GHR: variants seen among roughly 807,000 people sequenced by gnomAD.
The protein encoded by GHR is growth hormone receptor, also known as GH receptor.
In GHR, 35 loss-of-function variants were observed where a neutral mutation model predicts 67.1. The observed-to-expected ratio is 0.52, with a 90% CI of 0.40 to 0.69. The LOEUF is 0.69. Among genes scored for constraint, GHR ranks in the 30% least tolerant of loss-of-function variants. GHR has a pLI of 0.00. For synonymous variants in GHR, 272 were observed against 269.1 expected (o/e 1.01, Z -0.10); for missense variants, 792 against 764.6 (o/e 1.04, Z -0.42).
chr5:42,648,692 CTAGTAG>C (rs571645858), intron 3 of GHR, among the ~76,000 whole-genome samples: 3 of 149,818 alleles, frequency 2.0e-5, no homozygotes, highest in Admixed American at 6.7e-5. Context: ...ACTACTAGTA[CTAGTAG>C]TAGTAGTAGT....
chr5:42,619,583 C>T (rs576379728), intron 2 of GHR: 3 of 152,348 alleles, frequency 2.0e-5, no homozygotes, highest in Admixed American at 2.0e-4. Flanking sequence ...TGCCCAGCAA[C>T]TAGGACAGTG....
intron 1 of GHR, among the ~76,000 whole-genome samples, chr5:42,479,957 T>G (rs181222962): frequency 8.9e-4 from 136 of 152,332 alleles, no homozygotes; most frequent in African/African-American, 3.1e-3. Flanking sequence ...CTTGCTTTTC[T>G]AGTTCTTTTA....
chr5:42,691,817 A>C (rs1270930855), intron 4 of GHR, among the ~76,000 whole-genome samples: 1 of 152,256 alleles, frequency 6.6e-6, no homozygotes, highest in Admixed American at 6.5e-5. Flanking sequence ...GATTCAAAAC[A>C]GTGTCTGCCA....
At chr5:42,662,623 T>G (rs1755709609) in intron 3 of GHR, among the ~76,000 whole-genome samples, 1 of 152,216 alleles carries the variant, frequency 6.6e-6, no homozygotes, top group African/African-American at 2.4e-5. Flanking sequence ...GAGGGAAATT[T>G]ATAGCACTAA....
Position 42,719,108 on chromosome 5 carries a change from A to G in GHR, c.1601A>G (p.Tyr534Cys), listed in dbSNP as rs559502730. 46 of 1,613,590 alleles carry G rather than the reference A, an allele frequency of 2.9e-5. No homozygotes were observed. In the South Asian group the frequency reaches 4.7e-4, roughly 17 times the overall value. ...GAAAACTTCCTTATGGACAATGCCT[A>G]CTTCTGTGAGGCAGATGCCAAAAAG... The part of the protein sequence containing the change: ...CQENFLMDNA[Y>C]FCEADAKKCI... The change falls in exon 10 of 10, where the codon TAC becomes TGC. Residue 534 changes from tyrosine (Y) to cysteine (C), a missense_variant. Tyr to Cys is a radical substitution (Grantham distance 194). Transcript: ENST00000230882.
chr5:42,436,972 A>G (rs1049790286), intron 1 of GHR, among the ~76,000 whole-genome samples: 4 of 152,178 alleles, frequency 2.6e-5, no homozygotes, highest in African/African-American at 9.7e-5. Flanking sequence ...TTCAGAAAAG[A>G]ATGGGCTTTA....
At chr5:42,441,211 G>C (rs1743555544) in intron 1 of GHR, among the ~76,000 whole-genome samples, 1 of 152,142 alleles carries the variant, frequency 6.6e-6, no homozygotes, top group East Asian at 1.9e-4. Flanking sequence ...AATTGTGACT[G>C]GGGTAGATGC....
intron 6 of GHR, among the ~76,000 whole-genome samples, chr5:42,705,753 G>A (rs1458511338): frequency 6.6e-6 from 1 of 152,090 alleles, no homozygotes; most frequent in Non-Finnish European, 1.5e-5. Context: ...TTTTACGCCT[G>A]AGCAGTATTC....
At chr5:42,659,854 T>G (rs543843491) in intron 3 of GHR, among the ~76,000 whole-genome samples, 1 of 152,088 alleles carries the variant, frequency 6.6e-6, no homozygotes, top group African/African-American at 2.4e-5. Flanking sequence ...CCTTTCCGAG[T>G]CAAAGAAAGG....
At chr5:42,708,816 C>T (rs559465084) in intron 6 of GHR, among the ~76,000 whole-genome samples, 234 of 152,270 alleles carry the variant, frequency 1.5e-3, no homozygotes, top group Non-Finnish European at 2.1e-3. Flanking sequence ...GGCTATATCC[C>T]AACATGGCTT....
intron 2 of GHR, among the ~76,000 whole-genome samples, chr5:42,579,492 A>G (rs1050466185): frequency 6.6e-6 from 1 of 152,246 alleles, no homozygotes; most frequent in Non-Finnish European, 1.5e-5. Flanking sequence ...GTGCTGCACT[A>G]ATGGTTATGA....
intron 2 of GHR, among the ~76,000 whole-genome samples, chr5:42,598,296 T>A (rs558157032): frequency 6.6e-6 from 1 of 152,352 alleles, no homozygotes; most frequent in South Asian, 2.1e-4. Flanking sequence ...TTTTATGCCA[T>A]GCTAAGGAGT....
At chr5:42,455,762 A>G (rs1421673883) in intron 1 of GHR, among the ~76,000 whole-genome samples, 1 of 152,208 alleles carries the variant, frequency 6.6e-6, no homozygotes, top group African/African-American at 2.4e-5. Flanking sequence ...TGCTGGAGAA[A>G]TATTTTACAA....
intron 1 of GHR, among the ~76,000 whole-genome samples, chr5:42,500,146 G>A (rs774632236): frequency 2.0e-5 from 3 of 152,180 alleles, no homozygotes; most frequent in Non-Finnish European, 4.4e-5. Flanking sequence ...CTGTAGCTAC[G>A]CCAGTCGAGT....
intron 1 of GHR, among the ~76,000 whole-genome samples, chr5:42,480,434 G>A (rs1745569949): frequency 6.6e-6 from 1 of 151,838 alleles, no homozygotes. Flanking sequence ...TCAATTCCTG[G>A]GTATCCTTGT....
In GHR at chr5:42,423,552, G is replaced by A. The variant is rs1374811689; in HGVS notation, c.-415G>A. 6.6e-6 allele frequency among the ~76,000 whole-genome samples: 1 copy of A among 152,084 alleles called. No homozygotes were observed. The highest frequency in any genetic ancestry group is 1.5e-5 in the Non-Finnish European group (1 of 68,018). ...CCTCTCCGCAGCAGTTCTCGAACTGGCCTCCTTGAACGTCCGCTTCGCCTT... is the reference window on the plus strand; with the variant it reads ...CCTCTCCGCAGCAGTTCTCGAACTGACCTCCTTGAACGTCCGCTTCGCCTT... On this transcript the variant is annotated 5_prime_UTR_variant, in exon 1 of 10. Coordinates refer to ENST00000230882, the MANE Select transcript of GHR (RefSeq NM_000163.5).
intron 1 of GHR, among the ~76,000 whole-genome samples, chr5:42,511,757 C>T (rs569538703): frequency 4.4e-4 from 67 of 152,022 alleles, no homozygotes; most frequent in Non-Finnish European, 7.9e-4. Context: ...TTATGTCTTC[C>T]TTAGGATGCA....
chr5:42,471,728 A>C (rs1745020798), intron 1 of GHR, among the ~76,000 whole-genome samples: 1 of 152,206 alleles, frequency 6.6e-6, no homozygotes, highest in Non-Finnish European at 1.5e-5. Flanking sequence ...TCTTTGTTTA[A>C]ATAATAAATA....
At chr5:42,582,426 G>C (rs889276101) in intron 2 of GHR, among the ~76,000 whole-genome samples, 2 of 152,178 alleles carry the variant, frequency 1.3e-5, no homozygotes, top group African/African-American at 2.4e-5. Flanking sequence ...ATCCAAACTC[G>C]GGCAGATGTC....
Sources: gnomAD v4.1 joint callset for allele counts (sites outside exome capture counted in the v4.1 genomes callset) on GRCh38, gnomAD v4.1.1 for gene constraint, MANE v1.5 for transcripts, NCBI Gene and HGNC (gene_info 2026-07-23, HGNC 2026-07-21) for gene names.